RNLS: variants seen among roughly 807,000 people sequenced by gnomAD.
RNLS encodes renalase, FAD dependent amine oxidase.
Under a neutral mutation model 39.8 loss-of-function variants are expected in RNLS, and 39 were observed. The ratio of observed to expected loss-of-function variants is 0.98; its 90% confidence interval spans 0.76 to 1.28. RNLS has a LOEUF of 1.28. Ranked by LOEUF, RNLS falls within the 50% of genes most tolerant of loss-of-function variation. The probability of loss-of-function intolerance (pLI) is 0.00; values close to 1 mark genes in which losing one functional copy is unlikely to be tolerated. For synonymous variants in RNLS, 147 were observed against 150.7 expected (o/e 0.98, Z 0.18); for missense variants, 410 against 413.3 (o/e 0.99, Z 0.07).
At chr10:88,564,508 T>C (rs976949791) in intron 4 of RNLS, among the ~76,000 whole-genome samples, 2 of 151,980 alleles carry the variant, frequency 1.3e-5, no homozygotes, top group Admixed American at 6.6e-5. Flanking sequence ...GAATCTAATG[T>C]TTAAGGGTCA....
At chr10:88,247,669 A>G in the RNLS span, among the ~76,000 whole-genome samples, 1 of 152,204 alleles carries the variant, frequency 6.6e-6, no homozygotes, top group East Asian at 1.9e-4. Context: ...CCTATATCCT[A>G]ATCCCTGGAA....
intron 6 of RNLS, among the ~76,000 whole-genome samples, chr10:88,297,540 G>A (rs945067318): frequency 6.6e-6 from 1 of 152,116 alleles, no homozygotes; most frequent in Non-Finnish European, 1.5e-5. Flanking sequence ...TCTGCTTTCT[G>A]TCTCTATGGA....
In RNLS at chr10:88,313,311, T is replaced by C. The variant is rs188705383; in HGVS notation, c.876+1155A>G. On this transcript the variant is annotated intron_variant, in intron 6 of 6. Coordinates refer to ENST00000331772, the MANE Select transcript of RNLS (RefSeq NM_001031709.3). ...ATTTATAAATCACAAAGTGACTTGA[T>C]GTGTAATATATCTAGCTTCAAAGTA... Among the ~76,000 whole-genome samples, 61 of 152,370 alleles carry C rather than the reference T, an allele frequency of 4.0e-4. No homozygotes were observed. In the East Asian group the frequency reaches 0.012, roughly 29 times the overall value.
chr10:88,570,614 T>G (rs2134434771), intron 4 of RNLS, among the ~76,000 whole-genome samples: 1 of 152,366 alleles, frequency 6.6e-6, no homozygotes, highest in African/African-American at 2.4e-5. Flanking sequence ...TAATCCAAGA[T>G]GCTGCAATTC....
At chr10:88,253,401 A>G in the RNLS span, among the ~76,000 whole-genome samples, 1 of 152,172 alleles carries the variant, frequency 6.6e-6, no homozygotes, top group African/African-American at 2.4e-5. Context: ...AAATGGAAAG[A>G]CTTTTCCTGG....
intron 5 of RNLS, among the ~76,000 whole-genome samples, chr10:88,332,782 T>C (rs1163938722): frequency 6.6e-6 from 1 of 152,314 alleles, no homozygotes; most frequent in African/African-American, 2.4e-5. Context: ...TCAGGAAATA[T>C]AATTCAAGTA....
chr10:88,366,610 CT>C (rs971171662), intron 4 of RNLS, among the ~76,000 whole-genome samples: 1 of 124,360 alleles, frequency 8.0e-6, no homozygotes, highest in Non-Finnish European at 1.6e-5. Context: ...AAAACCTAAG[CT>C]GTTTACTTGC....
chr10:88,304,369 A>G (rs1473927330), intron 6 of RNLS, among the ~76,000 whole-genome samples: 2 of 152,306 alleles, frequency 1.3e-5, no homozygotes, highest in African/African-American at 4.8e-5. Context: ...ACGGAAATAG[A>G]ATTCAGAATA....
At chr10:88,581,290 GTGTGTATA>G (rs1160363481) in intron 3 of RNLS, among the ~76,000 whole-genome samples, 125 of 135,470 alleles carry the variant, frequency 9.2e-4, no homozygotes, top group African/African-American at 3.3e-3. Context: ...ATGTGTGTGT[GTGTGTATA>G]TATATATATA....
At chr10:88,252,109 G>T in the RNLS span, among the ~76,000 whole-genome samples, 1 of 152,138 alleles carries the variant, frequency 6.6e-6, no homozygotes, top group Admixed American at 6.5e-5. Context: ...CTGCTGGTGG[G>T]TCACCTAACC....
At chr10:88,537,980 A>G (rs1847854641) in intron 4 of RNLS, among the ~76,000 whole-genome samples, 1 of 152,200 alleles carries the variant, frequency 6.6e-6, no homozygotes, top group Non-Finnish European at 1.5e-5. Context: ...GGAGAAAAAA[A>G]GAATAATGCC....
At chr10:88,251,397 A>C in the RNLS span, among the ~76,000 whole-genome samples, 7 of 152,212 alleles carry the variant, frequency 4.6e-5, no homozygotes, top group African/African-American at 1.7e-4. Context: ...TAAATGACTT[A>C]TTTCTTTATC....
rs193109400 is a variant in RNLS, at chr10:88,393,887, C to T, written c.527-31162G>A. Among the ~76,000 whole-genome samples the T allele has an allele frequency of 2.9e-4, 44 of 152,158 alleles. 1 individual carries two copies. Among genetic ancestry groups the T allele is most frequent in the African/African-American group, 9.2e-4 (38 of 41,520 alleles). On this transcript the variant is annotated intron_variant, in intron 4 of 6. Coordinates refer to ENST00000331772, the MANE Select transcript of RNLS (RefSeq NM_001031709.3). ...AGAACAGAGCCCTGAGAAATAATGC[C>T]GTATATCTACAACTATCTGATCTTT...
chr10:88,241,975 A>G, the RNLS span, among the ~76,000 whole-genome samples: 3 of 151,848 alleles, frequency 2.0e-5, no homozygotes, highest in Non-Finnish European at 2.9e-5. Context: ...CCATATTCCT[A>G]TGTTTTCCTC....
chr10:88,521,697 T>C (rs543265124), intron 4 of RNLS, among the ~76,000 whole-genome samples: 1 of 152,172 alleles, frequency 6.6e-6, no homozygotes, highest in African/African-American at 2.4e-5. Context: ...TTAAGTTAGC[T>C]GATGACACAG....
chr10:88,228,872 C>G, the RNLS span, among the ~76,000 whole-genome samples: 1 of 152,202 alleles, frequency 6.6e-6, no homozygotes, highest in African/African-American at 2.4e-5. Flanking sequence ...GACCTTCTCT[C>G]AGTTTCTTTC....
chr10:88,455,515 T>C (rs1842579545), intron 4 of RNLS, among the ~76,000 whole-genome samples: 1 of 152,144 alleles, frequency 6.6e-6, no homozygotes, highest in Non-Finnish European at 1.5e-5. Context: ...CACGCCATTC[T>C]CCTGCCTCAG....
the RNLS span, among the ~76,000 whole-genome samples, chr10:88,223,774 T>A: frequency 2.0e-5 from 3 of 152,202 alleles, no homozygotes; most frequent in Non-Finnish European, 4.4e-5. Context: ...GTTGCACCTC[T>A]ACCGTGACCT....
At chr10:88,523,881 C>T (rs925013671) in intron 4 of RNLS, among the ~76,000 whole-genome samples, 2 of 152,114 alleles carry the variant, frequency 1.3e-5, no homozygotes, top group African/African-American at 4.8e-5. Context: ...AGTGGCAGGT[C>T]CATACCTCTG....
Sources: allele counts gnomAD v4.1 joint callset (sites outside exome capture counted in the v4.1 genomes callset), GRCh38; gene constraint gnomAD v4.1.1; transcripts MANE v1.5; gene names NCBI Gene and HGNC (gene_info 2026-07-23, HGNC 2026-07-21).